SARDH: variants seen among roughly 807,000 people sequenced by gnomAD.
SARDH encodes the protein sarcosine dehydrogenase, mitochondrial.
A neutral mutation model predicts 109.1 loss-of-function variants in SARDH; 95 were observed. The ratio of observed to expected loss-of-function variants is 0.87; its 90% CI spans 0.74 to 1.03. The LOEUF (loss-of-function observed/expected upper bound fraction) is 1.03, where lower values mean the gene tolerates loss of function less well. Ranked by LOEUF, SARDH falls within the 50% of genes least tolerant of loss-of-function variation. The pLI is 0.00. For synonymous variants in SARDH, 572 were observed against 534.8 expected, an observed-to-expected ratio of 1.07 and a Z score of -0.96; for missense variants, 1,267 against 1,287.8, an observed-to-expected ratio of 0.98 and a Z score of 0.25.
rs752306280 is a variant in SARDH at position 133,670,626 on chromosome 9, GC to G, written c.2452del (p.Ala818ProfsTer66). ...LGREALEQQR[A>X]AGLRRRLVCF... The stretch of plus-strand genomic sequence containing the variant: ...CACCAGGCGCCGGCGGAGGCCTGCG[GC>G]CCGCTGCTGCTCCAGGGCCTCCCTC... On this transcript the variant is annotated frameshift_variant, in exon 19 of 21. Transcript: ENST00000439388. LOFTEE classifies it high-confidence loss of function. The G allele has an allele frequency of 1.9e-6, 3 of 1,580,536 alleles. No homozygotes were observed. The South Asian group carries it at 3.5e-5, about 18-fold the overall frequency.
At position 133,712,906 on chromosome 9, in the gene SARDH, G is replaced by T; in HGVS notation, c.1237+132C>A. The T allele has an allele frequency of 1.9e-6, 2 of 1,029,272 alleles. No individual in the cohort carries two copies. The highest frequency in any genetic ancestry group is 1.4e-6 in the Non-Finnish European group (1 of 692,752). The allele number at this position is 1,029,272 out of a possible 1,614,324, so 63.8% of individuals were successfully genotyped here. ...GTGCACTCTCTGGGAAGCAGAAGGG[G>T]CTGGACTCCCCAGCCTCTCCTGTCC... is the stretch of plus-strand genomic sequence containing the variant. On this transcript the variant is annotated intron_variant, in intron 9 of 20. Coordinates refer to ENST00000439388, the MANE Select transcript of SARDH (RefSeq NM_001134707.2). This position sits in a 1 kb window ranked among gnomAD's most constrained non-coding sequence, Gnocchi z 4.1.
At chr9:133,732,374 A>ACCCCCCCCC in intron 3 of SARDH, 49 bp downstream of exon 3, 8 of 396,454 alleles carry the variant, frequency 2.0e-5, no homozygotes, top group South Asian at 3.5e-5. Flanking sequence ...CAGGGAGTGC[A>ACCCCCCCCC]CCCACCCACC....
chr9:133,662,549 C>T (rs1038099101), downstream of SARDH, among the ~76,000 whole-genome samples: 1 of 152,188 alleles, frequency 6.6e-6, no homozygotes, highest in African/African-American at 2.4e-5. The surrounding 1 kb of genome is among the most constrained non-coding windows in gnomAD (Gnocchi z 5.1). Context: ...GGTCTCCAGC[C>T]GCAGCCCCCT....
chr9:133,716,611 C>A (rs1386022956), intron 8 of SARDH, among the ~76,000 whole-genome samples: 1 of 152,214 alleles, frequency 6.6e-6, no homozygotes, highest in East Asian at 1.9e-4. Flanking sequence ...GCTCCCCAGG[C>A]CAGTAGGGTG....
intron 2 of SARDH, among the ~76,000 whole-genome samples, chr9:133,732,887 C>A (rs900138041): frequency 3.9e-5 from 6 of 152,320 alleles, no homozygotes; most frequent in African/African-American, 1.4e-4. Flanking sequence ...GCCTGTCATG[C>A]CCTATGAGGA....
chr9:133,685,953 A>G (rs1476014645), intron 16 of SARDH, among the ~76,000 whole-genome samples: 1 of 152,150 alleles, frequency 6.6e-6, no homozygotes, highest in Non-Finnish European at 1.5e-5. Flanking sequence ...TGAGACGCTC[A>G]GGCTGCAGAC....
downstream of SARDH, among the ~76,000 whole-genome samples, chr9:133,661,347 A>AC (rs1554738364): frequency 1.3e-5 from 2 of 150,806 alleles, no homozygotes; most frequent in African/African-American, 4.9e-5. Context: ...CTCAAAAAAA[A>AC]AACAACAACA....
In SARDH at chr9:133,692,914, G is replaced by A. The variant is rs923058674; in HGVS notation, c.1921+1344C>T. Among the ~76,000 whole-genome samples, 29 of 152,180 alleles carry A rather than the reference G, an allele frequency of 1.9e-4. No individual in the cohort carries two copies. The highest frequency in any genetic ancestry group is 7.4e-5 in the Non-Finnish European group (5 of 67,998). ...GCACCCCATAGGACCCCTCACTCAC[G>A]CTCTCAGCCTCATCTCCGCCACCAG... On this transcript the variant is annotated intron_variant, in intron 15 of 20. Transcript: ENST00000439388. The surrounding 1 kb of genome is among the most constrained non-coding windows in gnomAD (Gnocchi z 5.0).
intron 13 of SARDH, among the ~76,000 whole-genome samples, chr9:133,701,800 A>G (rs896707168): frequency 6.6e-6 from 1 of 152,162 alleles, no homozygotes; most frequent in Non-Finnish European, 1.5e-5. Context: ...CCACCACTAG[A>G]GCAAGCTTTC....
intron 10 of SARDH, among the ~76,000 whole-genome samples, chr9:133,711,488 TGCAGGGGC>T (rs1414798773): frequency 6.6e-6 from 1 of 152,080 alleles, no homozygotes; most frequent in Non-Finnish European, 1.5e-5. Flanking sequence ...CTTGGGAGAG[TGCAGGGGC>T]GCAGGCCCAG....
At chr9:133,659,958 G>A (rs1476465455), downstream of SARDH, among the ~76,000 whole-genome samples, 2 of 152,142 alleles carry the variant, frequency 1.3e-5, no homozygotes, top group Non-Finnish European at 1.5e-5. Context: ...CTCGGGCAGG[G>A]AAACTGAGAC....
intron 6 of SARDH, among the ~76,000 whole-genome samples, chr9:133,721,758 C>G (rs1266812505): frequency 6.6e-6 from 1 of 152,178 alleles, no homozygotes; most frequent in African/African-American, 2.4e-5. Flanking sequence ...GTTATATATA[C>G]ACATGCAAAT....
intron 17 of SARDH, among the ~76,000 whole-genome samples, chr9:133,678,743 G>A (rs1016650855): frequency 2.6e-5 from 4 of 152,146 alleles, no homozygotes; most frequent in African/African-American, 7.2e-5. Context: ...ATTCTTCACC[G>A]ACCTTAAGCA....
intron 14 of SARDH, among the ~76,000 whole-genome samples, chr9:133,695,809 C>T (rs1035160079): frequency 2.0e-5 from 3 of 152,154 alleles, no homozygotes; most frequent in African/African-American, 7.2e-5. Context: ...GACATACTTA[C>T]ATTAAAAATG....
At chr9:133,703,078 G>A (rs780877640) in intron 12 of SARDH, 49 bp from the exon 13 acceptor site, 35 of 1,509,806 alleles carry the variant, frequency 2.3e-5, no homozygotes, top group South Asian at 3.5e-5. Context: ...GCCCCTCCCC[G>A]CTTCCCTCCC....
At chr9:133,680,088 A>G (rs1830645372) in intron 17 of SARDH, among the ~76,000 whole-genome samples, 2 of 152,118 alleles carry the variant, frequency 1.3e-5, no homozygotes, top group Non-Finnish European at 2.9e-5. Flanking sequence ...CCAGCACAAG[A>G]TATTATTTAG....
chr9:133,691,588 T>C (rs1831098335), intron 15 of SARDH, among the ~76,000 whole-genome samples: 1 of 152,204 alleles, frequency 6.6e-6, no homozygotes, highest in South Asian at 2.1e-4. Flanking sequence ...ATGTATCCTT[T>C]TGTAATCTTA....
At position 133,669,355 on chromosome 9, in the gene SARDH, G is replaced by A. The variant is rs9409841; in HGVS notation, c.2495+1229C>T. 3.6e-3 allele frequency among the ~76,000 whole-genome samples: 340 copies of A among 94,368 alleles called. 7 individuals carry two copies. Among genetic ancestry groups the A allele is most frequent in the African/African-American group, 0.015 (329 of 22,398 alleles). The allele number at this position is 94,368 out of a possible 152,430, so 61.9% of individuals were successfully genotyped here. On this transcript the variant is annotated intron_variant, in intron 19 of 20. Transcript: ENST00000439388. ...CCTCGTCCTCCCTCTCCCTCCCCTC[G>A]TCACTCTGACACTCCTTTTGAAGGC...
chr9:133,705,188 T>C (rs1345825915), intron 11 of SARDH, among the ~76,000 whole-genome samples, 157 bp from the exon 12 acceptor site: 1 of 152,006 alleles, frequency 6.6e-6, no homozygotes, highest in East Asian at 1.9e-4. Flanking sequence ...GCAGCTACCC[T>C]CACTGCCTCA....
Sources: gnomAD v4.1 joint callset for allele counts (sites outside exome capture counted in the v4.1 genomes callset) on GRCh38, gnomAD v4.1.1 for gene constraint, Gnocchi (gnomAD v3.1) non-coding constraint, MANE v1.5 for transcripts, NCBI Gene and HGNC (gene_info 2026-07-23, HGNC 2026-07-21) for gene names.